Variants in TPGS2 observed in about 807,000 individuals in gnomAD.
TPGS2 encodes tubulin polyglutamylase complex subunit 2.
Under a neutral mutation model 31.1 loss-of-function variants are expected in TPGS2, and 26 were observed. That is an observed-to-expected ratio of 0.84 (90% CI 0.61 to 1.16). TPGS2 has a LOEUF of 1.16. TPGS2 is among the 50% of genes most tolerant of loss of function. The pLI is 0.00. For synonymous variants in TPGS2, 130 were observed against 136.6 expected (o/e 0.95, Z 0.34); for missense variants, 351 against 363.8 (o/e 0.96, Z 0.29).
chr18:36,789,181 A>G (rs1600721088), downstream of TPGS2: 1 of 152,218 alleles, frequency 6.6e-6, no homozygotes, highest in South Asian at 2.1e-4. Flanking sequence ...TGTAAAGTAG[A>G]AAAGGATGTT....
At chr18:36,790,674 AC>A (rs1481963612), downstream of TPGS2, among the ~76,000 whole-genome samples, 3 of 152,166 alleles carry the variant, frequency 2.0e-5, no homozygotes, top group African/African-American at 7.2e-5. Flanking sequence ...CTGTGGGCTG[AC>A]CTTAGGTATC....
chr18:36,799,672 A>C (rs1329651717), intron 5 of TPGS2, among the ~76,000 whole-genome samples: 1 of 152,162 alleles, frequency 6.6e-6, no homozygotes, highest in Non-Finnish European at 1.5e-5. Context: ...CCAGACAGCT[A>C]GCTGAAGAGG....
chr18:36,780,208 T>C (rs911464745), downstream of TPGS2: 2 of 1,231,150 alleles, frequency 1.6e-6, no homozygotes, highest in African/African-American at 3.1e-5. Context: ...GTTAATAGAG[T>C]GAGTAACATC....
intron 6 of TPGS2, chr18:36,786,489 T>A (rs1305933845): frequency 6.1e-6 from 1 of 164,428 alleles, no homozygotes; most frequent in Non-Finnish European, 1.3e-5. Flanking sequence ...AGTGCTGCGA[T>A]TACAGGCCTG....
At chr18:36,808,416 G>A (rs942419088) in intron 2 of TPGS2, among the ~76,000 whole-genome samples, 2 of 152,042 alleles carry the variant, frequency 1.3e-5, no homozygotes, top group Non-Finnish European at 2.9e-5. Flanking sequence ...AGGTGGGCGG[G>A]TCACGAGATC....
intron 2 of TPGS2, among the ~76,000 whole-genome samples, chr18:36,812,086 C>T (rs1240810475): frequency 6.6e-6 from 1 of 152,184 alleles, no homozygotes; most frequent in Non-Finnish European, 1.5e-5. Context: ...ACATCCCTTA[C>T]CTCTTTTTTG....
At chr18:36,786,975 C>G in intron 6 of TPGS2, 1 of 1,234,398 alleles carries the variant, frequency 8.1e-7, no homozygotes, top group Middle Eastern at 2.1e-4. Flanking sequence ...TGTGGCCAGT[C>G]CCCATGCCTG....
chr18:36,813,473 G>A (rs186531891), intron 2 of TPGS2, among the ~76,000 whole-genome samples: 2 of 152,286 alleles, frequency 1.3e-5, no homozygotes, highest in African/African-American at 4.8e-5. Context: ...ATGGTAATTT[G>A]TAAACTATGG....
intron 4 of TPGS2, 105 bp downstream of exon 4, chr18:36,805,269 A>ATCTT (rs2045058879): frequency 7.5e-7 from 1 of 1,332,098 alleles, no homozygotes; most frequent in East Asian, 2.3e-5. Flanking sequence ...GTGAGGTTTA[A>ATCTT]TCTTTAACAT....
chr18:36,822,542 A>G (rs2045940000), intron 1 of TPGS2, among the ~76,000 whole-genome samples: 1 of 152,200 alleles, frequency 6.6e-6, no homozygotes, highest in African/African-American at 2.4e-5. Context: ...AAAATAGCAA[A>G]TAACGGTTTT....
Position 36,796,741 on chromosome 18 carries a change from CT to C in TPGS2, c.*63del. The C allele has an allele frequency of 3.8e-6, 6 of 1,561,766 alleles. No individual in the cohort carries two copies. Among genetic ancestry groups the C allele is most frequent in the Non-Finnish European group, 5.2e-6 (6 of 1,163,862 alleles). ...CCACACGCAAAACTGGAGGTCACCCCTAGGGCCATCTGTGCATGGAAACCAC... is the reference window on the plus strand; with the variant it reads ...CCACACGCAAAACTGGAGGTCACCCCAGGGCCATCTGTGCATGGAAACCAC... On this transcript the variant is annotated 3_prime_UTR_variant, in exon 7 of 7. Transcript: ENST00000334295.
intron 1 of TPGS2, among the ~76,000 whole-genome samples, chr18:36,822,836 T>G (rs1016457768): frequency 6.6e-6 from 1 of 152,160 alleles, no homozygotes; most frequent in South Asian, 2.1e-4. Context: ...TGGCCTCAAG[T>G]GATTTTCCCA....
At chr18:36,782,529 C>T (rs1056685590), downstream of TPGS2, among the ~76,000 whole-genome samples, 4 of 152,180 alleles carry the variant, frequency 2.6e-5, no homozygotes, top group African/African-American at 9.7e-5. Context: ...TCCTTCCCCC[C>T]GATTCTAATG....
downstream of TPGS2, among the ~76,000 whole-genome samples, chr18:36,793,713 T>C (rs2044394343): frequency 6.6e-6 from 1 of 152,038 alleles, no homozygotes; most frequent in Non-Finnish European, 1.5e-5. Context: ...TGATTCTGCA[T>C]GAGTAAATGC....
At chr18:36,805,041 T>A (rs1014871811) in intron 4 of TPGS2, among the ~76,000 whole-genome samples, 7 of 152,164 alleles carry the variant, frequency 4.6e-5, no homozygotes, top group African/African-American at 1.4e-4. Flanking sequence ...AAAAATAAAT[T>A]GCTATTTAAA....
At position 36,796,102 on chromosome 18, in the gene TPGS2, CAAAAGAAATGAG is replaced by C; in HGVS notation, c.*691_*702del. 1 of 985,152 alleles carries C rather than the reference CAAAAGAAATGAG, an allele frequency of 1.0e-6. No homozygotes were observed. The highest frequency in any genetic ancestry group is 1.7e-5 in the African/African-American group (1 of 57,184). 61.0% of individuals were successfully genotyped at this position (985,152 alleles called of 1,614,324 possible). On this transcript the variant is annotated 3_prime_UTR_variant, in exon 7 of 7. Transcript: ENST00000334295. ...GGAAGACAAACTTTATAGGAAGCTG[CAAAAGAAATGAG>C]CAGAGCGAGATATTTGTGGTAAGGG...
At chr18:36,780,081 G>C (rs187856694), downstream of TPGS2, 4 of 1,154,778 alleles carry the variant, frequency 3.5e-6, no homozygotes, top group Non-Finnish European at 4.4e-6. Flanking sequence ...TATTCTTCTG[G>C]GAACAGGACC....
Position 36,796,584 on chromosome 18 carries a change from C to G in TPGS2, c.*221G>C. On this transcript the variant is annotated 3_prime_UTR_variant, in exon 7 of 7. Coordinates refer to ENST00000334295, the MANE Select transcript of TPGS2 (RefSeq NM_015476.4). ...TTATTTGGGCACTTACACAAGATTC[C>G]AAATTCCCCATTGCTTCCAGAGGCA... is the stretch of plus-strand genomic sequence containing the variant. 7.5e-7 allele frequency: 1 copy of G among 1,325,952 alleles called. No homozygotes were observed. Among genetic ancestry groups the G allele is most frequent in the Non-Finnish European group, 9.6e-7 (1 of 1,045,384 alleles). 82.1% of individuals were successfully genotyped at this position (1,325,952 alleles called of 1,614,324 possible).
chr18:36,783,797 T>A (rs2044069025), intron 6 of TPGS2, among the ~76,000 whole-genome samples: 1 of 152,150 alleles, frequency 6.6e-6, no homozygotes, highest in Non-Finnish European at 1.5e-5. Flanking sequence ...CAGTAGCAGG[T>A]CCTAATCCCT....
Sources: allele counts gnomAD v4.1 joint callset (sites outside exome capture counted in the v4.1 genomes callset), GRCh38; gene constraint gnomAD v4.1.1; transcripts MANE v1.5; gene names NCBI Gene and HGNC (gene_info 2026-07-23, HGNC 2026-07-21).